Variants in DCAF6 observed in about 807,000 individuals in gnomAD.
DCAF6 encodes DDB1 and CUL4 associated factor 6.
DCAF6 carries 54 observed loss-of-function variants against 125.1 expected under a neutral mutation model. The observed-to-expected ratio is 0.43, with a 90% CI of 0.35 to 0.54. The LOEUF (loss-of-function observed/expected upper bound fraction) is 0.54, where lower values mean the gene tolerates loss of function less well. Ranked by LOEUF, DCAF6 falls within the 20% of genes least tolerant of loss-of-function variation. The pLI is 0.01. For synonymous variants in DCAF6, 371 were observed against 390.4 expected (o/e 0.95, Z 0.58); for missense variants, 934 against 1,161.7 (o/e 0.80, Z 2.85).
chr1:168,055,661 C>G lies in DCAF6; in HGVS notation c.2300+4728C>G, dbSNP rs528474443. Among the ~76,000 whole-genome samples, 5 of 103,358 alleles carry G rather than the reference C, an allele frequency of 4.8e-5. No homozygotes were observed. In the South Asian group the frequency reaches 1.5e-3, roughly 31 times the overall value. 67.8% of individuals were successfully genotyped at this position (103,358 alleles called of 152,430 possible). A position where few individuals can be genotyped will look rare whatever the true frequency, so the allele number is the denominator to read the frequency against. On this transcript the variant is annotated intron_variant, in intron 17 of 21. Transcript: ENST00000367840. Reference sequence around the variant, plus strand: ...TTTACCATGGATAATTTCATGAATTCTGAACACTAGAGCCTAGTCTAAAAA... The same window carrying G: ...TTTACCATGGATAATTTCATGAATTGTGAACACTAGAGCCTAGTCTAAAAA...
chr1:168,037,846 C>A (rs2101733635), intron 12 of DCAF6, among the ~76,000 whole-genome samples: 1 of 152,298 alleles, frequency 6.6e-6, no homozygotes, highest in South Asian at 2.1e-4. Flanking sequence ...CCATCAGGTG[C>A]AGACTGTGAT....
chr1:167,904,539 C>A, the DCAF6 span: 3 of 339,168 alleles, frequency 8.8e-6, no homozygotes, highest in Admixed American at 8.8e-5. Context: ...ACAGTGATAA[C>A]TGCAACTTCT....
intron 17 of DCAF6, 26 bp from the exon 18 acceptor site, chr1:168,063,595 G>T: frequency 1.4e-6 from 2 of 1,427,556 alleles, no homozygotes; most frequent in Non-Finnish European, 1.8e-6. Context: ...ATTTATTTTT[G>T]TTTTTTTAAT....
chr1:167,983,236 C>T (rs1209482497), intron 4 of DCAF6, among the ~76,000 whole-genome samples: 1 of 152,140 alleles, frequency 6.6e-6, no homozygotes, highest in Non-Finnish European at 1.5e-5. Context: ...AGCATTGAAT[C>T]TGTAGGTTGT....
At chr1:168,044,284 A>C (rs1688885710) in intron 14 of DCAF6, among the ~76,000 whole-genome samples, 1 of 152,192 alleles carries the variant, frequency 6.6e-6, no homozygotes. Context: ...TTGGCCCTAC[A>C]TGCCCATGGA....
chr1:167,898,773 C>T, the DCAF6 span, among the ~76,000 whole-genome samples: 3 of 152,122 alleles, frequency 2.0e-5, no homozygotes, highest in Non-Finnish European at 2.9e-5. Context: ...CCAGCATCTG[C>T]ACGGATTCTC....
upstream of DCAF6, among the ~76,000 whole-genome samples, chr1:167,933,372 G>A (rs1470050977): frequency 2.0e-5 from 3 of 151,964 alleles, no homozygotes; most frequent in African/African-American, 7.3e-5. Context: ...TCATCATGTT[G>A]GTCAGGCTGG....
At position 168,045,053 on chromosome 1, in the gene DCAF6, G is replaced by A. The variant is rs754458571; in HGVS notation, c.2084G>A (p.Ser695Asn). 1.2e-6 allele frequency: 2 copies of A among 1,614,016 alleles called. No homozygotes were observed. The highest frequency in any genetic ancestry group is 2.2e-5 in the South Asian group (2 of 91,076). Residue 695 changes from serine (S) to asparagine (N), a missense_variant, in exon 16 of 22, where the codon AGT becomes AAT. Physicochemically the swap from Ser to Asn is conservative, Grantham distance 46 (BLOSUM62 1). Around this residue, in one of 5 missense-constraint regions of DCAF6, gnomAD observed 559 missense variants for 635.5 expected, o/e 0.88. Coordinates refer to ENST00000367840, the MANE Select transcript of DCAF6 (RefSeq NM_001198956.2). ...ACTTCAGATCAGACTAGCACTGAGA[G>A]TGCTACCAATGAAAATAACACCAAT... is the stretch of plus-strand genomic sequence containing the variant. Reference protein sequence around the residue: ...PETSDQTSTESATNENNTNPE... With the variant: ...PETSDQTSTENATNENNTNPE...
At chr1:167,943,063 C>A (rs978045360) in intron 1 of DCAF6, among the ~76,000 whole-genome samples, 1 of 152,112 alleles carries the variant, frequency 6.6e-6, no homozygotes, top group Non-Finnish European at 1.5e-5. Flanking sequence ...CCCGCCACCA[C>A]GCCCGGCTAA....
chr1:167,948,188 G>T (rs1673375589), intron 1 of DCAF6, among the ~76,000 whole-genome samples: 1 of 147,972 alleles, frequency 6.8e-6, no homozygotes, highest in African/African-American at 2.5e-5. Flanking sequence ...CCATTTTTAG[G>T]ATTCACTCTT....
At chr1:168,017,947 T>C (rs1004839000) in intron 11 of DCAF6, among the ~76,000 whole-genome samples, 1 of 152,194 alleles carries the variant, frequency 6.6e-6, no homozygotes, top group African/African-American at 2.4e-5. Flanking sequence ...TTTAAGTGTT[T>C]TAGCTATAAG....
rs372121154 is a variant in DCAF6 at position 168,045,003 on chromosome 1, A to C, written c.2034A>C (p.Ser678=). ...RSCGVPEESA[S]SEKAKEPETS... is the part of the protein sequence containing the mutation. Reference sequence around the variant, plus strand: ...GTGGGGTTCCAGAAGAATCTGCTTCATCTGAAAAAGCCAAGGAACCAGAAA... The same window carrying C: ...GTGGGGTTCCAGAAGAATCTGCTTCCTCTGAAAAAGCCAAGGAACCAGAAA... The change falls in exon 16 of 22, where the codon TCA becomes TCC. Residue 678 remains serine, a synonymous_variant. Transcript: ENST00000367840. 2 of 1,614,118 alleles carry C rather than the reference A, an allele frequency of 1.2e-6. No individual in the cohort carries two copies. The highest frequency in any genetic ancestry group is 1.7e-6 in the Non-Finnish European group (2 of 1,179,964).
intron 16 of DCAF6, among the ~76,000 whole-genome samples, chr1:168,046,309 T>C (rs1689145999): frequency 6.6e-6 from 1 of 152,156 alleles, no homozygotes; most frequent in Non-Finnish European, 1.5e-5. Context: ...ATGATAGCTG[T>C]ATTAAACAAT....
chr1:168,007,678 T>TATTAATTC (rs1269949529), intron 10 of DCAF6, among the ~76,000 whole-genome samples: 1 of 152,210 alleles, frequency 6.6e-6, no homozygotes, highest in Non-Finnish European at 1.5e-5. Flanking sequence ...TATTTACTCT[T>TATTAATTC]ATTAATTCTG....
chr1:167,938,392 A>G (rs936985565), intron 1 of DCAF6, among the ~76,000 whole-genome samples: 2 of 152,224 alleles, frequency 1.3e-5, no homozygotes, highest in Non-Finnish European at 1.5e-5. Context: ...TGTCTTTTAA[A>G]TTATTACATA....
chr1:168,059,839 G>A (rs1691364541), intron 17 of DCAF6, among the ~76,000 whole-genome samples: 1 of 151,792 alleles, frequency 6.6e-6, no homozygotes, highest in Non-Finnish European at 1.5e-5. Flanking sequence ...GTGGAGATGG[G>A]GTCTCACTAT....
chr1:167,938,447 T>G (rs189765410), intron 1 of DCAF6, among the ~76,000 whole-genome samples: 1 of 152,346 alleles, frequency 6.6e-6, no homozygotes, highest in Admixed American at 6.5e-5. Context: ...ACCTTTCTTC[T>G]TTAAGTAGAC....
the DCAF6 span, chr1:167,899,550 A>G: frequency 1.2e-6 from 2 of 1,614,236 alleles, no homozygotes; most frequent in Non-Finnish European, 1.7e-6. Flanking sequence ...CACATCGTCC[A>G]CTGCCTGACC....
rs1682978055 is a variant in DCAF6 at position 168,003,889 on chromosome 1, G to A, written c.1017G>A (p.Val339=). ...TAATAGGAGAGCAGAGTCCCAATGT[G>A]TCATTGATGCAGAGAATGTCTGATA... ...RERDGEQSPN[V]SLMQRMSDML... Residue 339 remains valine (V), a synonymous_variant, in exon 9 of 22, where the codon GTG becomes GTA. Transcript: ENST00000367840. 6.2e-7 allele frequency: 1 copy of A among 1,610,708 alleles called. No homozygotes were observed. The highest frequency in any genetic ancestry group is 1.3e-5 in the African/African-American group (1 of 74,790).
Sources: gnomAD v4.1 joint callset for allele counts (sites outside exome capture counted in the v4.1 genomes callset) on GRCh38, gnomAD v4.1.1 for gene constraint, gnomAD v4.1.1 regional missense constraint, MANE v1.5 for transcripts, NCBI Gene and HGNC (gene_info 2026-07-23, HGNC 2026-07-21) for gene names.